Variants in EML6 observed in about 807,000 individuals in gnomAD.
EML6 encodes echinoderm microtubule-associated protein-like 6.
Under a neutral mutation model 240.1 loss-of-function variants are expected in EML6, and 154 were observed. That is an observed-to-expected ratio of 0.64 (90% confidence interval 0.56 to 0.73). EML6 has a LOEUF of 0.73. Ranked by LOEUF, EML6 falls within the 30% of genes least tolerant of loss-of-function variation. The pLI, the probability that EML6 is intolerant of heterozygous loss-of-function variation, is 0.00. For synonymous variants in EML6, 1,148 were observed against 899.0 expected (o/e 1.28, Z -4.95); for missense variants, 2,964 against 2,474.6 (o/e 1.20, Z -4.20).
intron 28 of EML6, among the ~76,000 whole-genome samples, chr2:54,941,950 A>G: frequency 6.6e-6 from 1 of 152,260 alleles, no homozygotes. Flanking sequence ...TATTAAACCC[A>G]GAAATGCTGA....
intron 2 of EML6, among the ~76,000 whole-genome samples, chr2:54,811,069 C>G (rs1457110697): frequency 6.6e-6 from 1 of 152,018 alleles, no homozygotes; most frequent in African/African-American, 2.4e-5. Context: ...TCTGTTCTCA[C>G]CCCCAGTAGC....
rs545074589 is a variant in EML6 at position 54,816,767 on chromosome 2, A to G, written c.358-20A>G. The G allele has an allele frequency of 1.3e-6, 2 of 1,522,876 alleles. No homozygotes were observed. The highest frequency in any genetic ancestry group is 1.4e-5 in the African/African-American group (1 of 72,590). The allele number at this position is 1,522,876 out of a possible 1,614,324, so 94.3% of individuals were successfully genotyped here. The stretch of plus-strand genomic sequence containing the variant: ...TCTTCCCATCACTTTTAGGTACTAA[A>G]TTATTGTTCTTATTCTTAGCGTTTA... On this transcript the variant is annotated intron_variant, in intron 3 of 41. Transcript: ENST00000356458.
At chr2:54,765,555 G>A (rs912301762) in intron 2 of EML6, among the ~76,000 whole-genome samples, 1 of 152,148 alleles carries the variant, frequency 6.6e-6, no homozygotes, top group Non-Finnish European at 1.5e-5. Flanking sequence ...CCGCCTGCCG[G>A]GTTCACGCCA....
At chr2:54,763,361 G>C (rs1668056046) in intron 2 of EML6, among the ~76,000 whole-genome samples, 1 of 152,128 alleles carries the variant, frequency 6.6e-6, no homozygotes, top group Admixed American at 6.5e-5. Context: ...AATACAGTTA[G>C]GTTTACATTC....
At position 54,962,547 on chromosome 2, in the gene EML6, G is replaced by T; in HGVS notation, c.4993G>T (p.Asp1665Tyr). 6.5e-7 allele frequency: 1 copy of T among 1,547,964 alleles called. No homozygotes were observed. Among genetic ancestry groups the T allele is most frequent in the Non-Finnish European group, 8.7e-7 (1 of 1,145,358 alleles). The part of the protein sequence containing the change: ...GKGKILVGTK[D>Y]GEIIEVGEKN... Reference sequence around the variant, plus strand: ...GGGAAAAATCTTAGTGGGAACCAAAGACGGAGAAATAATTGAAGTTGGTGA... The same window carrying T: ...GGGAAAAATCTTAGTGGGAACCAAATACGGAGAAATAATTGAAGTTGGTGA... The change falls in exon 36 of 42, where the codon GAC becomes TAC. Residue 1665 changes from aspartate (D) to tyrosine (Y), a missense_variant. By Grantham distance (160) the Asp-to-Tyr change is radical. Transcript: ENST00000356458.
intron 7 of EML6, among the ~76,000 whole-genome samples, chr2:54,837,690 C>A (rs918550928): frequency 6.6e-6 from 1 of 152,226 alleles, no homozygotes; most frequent in African/African-American, 2.4e-5. Flanking sequence ...GAATTTTCAA[C>A]AATCTGACAT....
At chr2:54,743,658 G>C (rs565890834) in intron 2 of EML6, among the ~76,000 whole-genome samples, 114 of 152,230 alleles carry the variant, frequency 7.5e-4, no homozygotes, top group Non-Finnish European at 3.8e-4. Context: ...TGTTAAGCTA[G>C]AGTTGTAGTC....
intron 25 of EML6, among the ~76,000 whole-genome samples, chr2:54,915,942 A>G (rs892056669): frequency 6.6e-6 from 1 of 152,192 alleles, no homozygotes; most frequent in Non-Finnish European, 1.5e-5. Flanking sequence ...TGTTGTTGTT[A>G]TTGTCTATTA....
At chr2:54,880,346 C>A (rs1671750706) in intron 17 of EML6, 1 of 152,214 alleles carries the variant, frequency 6.6e-6, no homozygotes, top group African/African-American at 2.4e-5. Flanking sequence ...CAGTGTACCT[C>A]CCTGCTCGTT....
intron 5 of EML6, among the ~76,000 whole-genome samples, chr2:54,821,935 G>A (rs1047823550): frequency 4.6e-5 from 7 of 152,054 alleles, no homozygotes; most frequent in African/African-American, 1.4e-4. Context: ...CAAAGAAATC[G>A]TAAGGAATAA....
At chr2:54,823,881 T>TCTCTCTCTCTCTCTC (rs1668459099) in intron 5 of EML6, among the ~76,000 whole-genome samples, 2 of 148,292 alleles carry the variant, frequency 1.3e-5, no homozygotes, top group Admixed American at 1.3e-4. Context: ...TCTCTCTTTC[T>TCTCTCTCTCTCTCTC]GTCTCTCTCT....
intron 2 of EML6, among the ~76,000 whole-genome samples, chr2:54,802,130 C>G (rs540678914): frequency 3.9e-5 from 6 of 152,124 alleles, no homozygotes; most frequent in African/African-American, 1.4e-4. Context: ...ATGGAAAAAA[C>G]AGACTATAAA....
At chr2:54,965,907 G>A (rs1248736438) in intron 38 of EML6, among the ~76,000 whole-genome samples, 1 of 152,208 alleles carries the variant, frequency 6.6e-6, no homozygotes, top group Non-Finnish European at 1.5e-5. Flanking sequence ...GTCTGCTTTG[G>A]GAAAGGGCTG....
intron 12 of EML6, among the ~76,000 whole-genome samples, chr2:54,861,468 G>A (rs1181285548): frequency 1.3e-5 from 2 of 152,170 alleles, no homozygotes; most frequent in Non-Finnish European, 2.9e-5. Context: ...CTGGCTTAGT[G>A]CAGAAAAAGT....
At chr2:54,878,819 A>G (rs570042384) in intron 16 of EML6, among the ~76,000 whole-genome samples, 1 of 152,222 alleles carries the variant, frequency 6.6e-6, no homozygotes, top group African/African-American at 2.4e-5. Context: ...GAAGAAAGAT[A>G]AGATAACCTG....
At chr2:54,778,486 A>G (rs1668695660) in intron 2 of EML6, among the ~76,000 whole-genome samples, 1 of 152,192 alleles carries the variant, frequency 6.6e-6, no homozygotes. Context: ...GAGGATTACC[A>G]TCATGGCCAT....
In EML6 at chr2:54,964,449, T is replaced by G. The variant is rs1164399806; in HGVS notation, c.5331-122T>G. On this transcript the variant is annotated intron_variant, in intron 37 of 41. Coordinates refer to ENST00000356458, the MANE Select transcript of EML6 (RefSeq NM_001039753.4). ...AATGCCAGGAGAGGCTGACCACATG[T>G]GAGTCACAAGGTGGCTCTCATTGCC... is the stretch of plus-strand genomic sequence containing the variant. 3.4e-6 allele frequency: 3 copies of G among 880,688 alleles called. No homozygotes were observed. The African/African-American group carries it at 5.1e-5, about 15-fold the overall frequency. 54.6% of individuals were successfully genotyped at this position (880,688 alleles called of 1,614,324 possible).
At chr2:54,830,983 T>G (rs1668840800) in intron 7 of EML6, among the ~76,000 whole-genome samples, 1 of 152,202 alleles carries the variant, frequency 6.6e-6, no homozygotes, top group Non-Finnish European at 1.5e-5. Context: ...AGGCCTTAAG[T>G]TCTCTGCCAT....
At chr2:54,837,041 C>T (rs1669190057) in intron 7 of EML6, among the ~76,000 whole-genome samples, 4 of 152,100 alleles carry the variant, frequency 2.6e-5, no homozygotes, top group African/African-American at 7.2e-5. Flanking sequence ...CTTTTCCACA[C>T]CCTCTACCAA....
Sources: allele counts gnomAD v4.1 joint callset (sites outside exome capture counted in the v4.1 genomes callset), GRCh38; gene constraint gnomAD v4.1.1; transcripts MANE v1.5; gene names NCBI Gene and HGNC (gene_info 2026-07-23, HGNC 2026-07-21).